TNRC6B: variants seen among roughly 807,000 people sequenced by gnomAD.
The protein encoded by TNRC6B is trinucleotide repeat-containing gene 6B protein.
In TNRC6B, 52 loss-of-function variants were observed where a neutral mutation model predicts 203.6. The ratio of observed to expected loss-of-function variants is 0.26; its 90% CI spans 0.20 to 0.32. The LOEUF is 0.32. TNRC6B is among the 10% of genes least tolerant of loss of function. TNRC6B has a pLI of 1.00. For missense variants in TNRC6B, 1,923 were observed against 2,286.2 expected (o/e 0.84, Z 3.24); for synonymous variants, 838 against 845.7 (o/e 0.99, Z 0.16).
At chr22:40,176,419 A>G (rs5995833), upstream of TNRC6B, among the ~76,000 whole-genome samples, 103,115 of 151,886 alleles carry the variant, frequency 0.68, 36,756 homozygotes, top group African/African-American at 0.9. Context: ...GAGCCACCGC[A>G]CCCGGCCTCA....
intron 11 of TNRC6B, among the ~76,000 whole-genome samples, 191 bp from the exon 12 acceptor site, chr22:40,285,454 C>T (rs1036951143): frequency 2.6e-5 from 4 of 152,170 alleles, no homozygotes; most frequent in African/African-American, 9.7e-5. Context: ...TCAAACTGTA[C>T]AGGTGCCCAT....
chr22:40,244,593 C>T (rs1046869029), intron 1 of TNRC6B, among the ~76,000 whole-genome samples: 2 of 151,962 alleles, frequency 1.3e-5, no homozygotes, highest in Admixed American at 6.6e-5. Context: ...TTGAGTCCTT[C>T]GGGAACCATC....
chr22:40,277,926 G>C (rs967424074), intron 8 of TNRC6B, 73 bp from the exon 9 acceptor site: 2 of 1,178,400 alleles, frequency 1.7e-6, no homozygotes, highest in Admixed American at 4.0e-5. Flanking sequence ...GTGGCTCTCA[G>C]GTGAATAATG....
intron 7 of TNRC6B, among the ~76,000 whole-genome samples, chr22:40,275,458 G>T (rs1044660110): frequency 6.6e-6 from 1 of 152,148 alleles, no homozygotes; most frequent in Middle Eastern, 3.4e-3. Context: ...TTTAAAAATT[G>T]TGATAAAATA....
intron 1 of TNRC6B, among the ~76,000 whole-genome samples, chr22:40,193,889 G>T (rs546173213): frequency 6.6e-6 from 1 of 152,112 alleles, no homozygotes; most frequent in Non-Finnish European, 1.5e-5. Flanking sequence ...AAAGAGAACC[G>T]GCTGCCAGCC....
At chr22:40,159,656 A>T (rs1377806652) in intron 4 of TNRC6B, among the ~76,000 whole-genome samples, 1 of 83,682 alleles carries the variant, frequency 1.2e-5, no homozygotes, top group Non-Finnish European at 2.1e-5. Context: ...TAAAAAAAAA[A>T]TTTAAAAATT....
chr22:40,216,990 C>T (rs1381439473), intron 1 of TNRC6B, among the ~76,000 whole-genome samples: 1 of 152,120 alleles, frequency 6.6e-6, no homozygotes, highest in Non-Finnish European at 1.5e-5. Flanking sequence ...ATTTGCCCTC[C>T]TAAAACTTCC....
At chr22:40,060,927 G>A (rs1270681042) in intron 1 of TNRC6B, among the ~76,000 whole-genome samples, 2 of 152,162 alleles carry the variant, frequency 1.3e-5, no homozygotes, top group Admixed American at 6.5e-5. Context: ...TGCATGAACC[G>A]CATGGTAGGT....
At chr22:40,053,318 A>G (rs2067766960) in intron 1 of TNRC6B, among the ~76,000 whole-genome samples, 2 of 152,230 alleles carry the variant, frequency 1.3e-5, no homozygotes, top group Admixed American at 1.3e-4. Context: ...TAGTTCCATA[A>G]TTATTGTAAT....
At chr22:40,148,303 G>C (rs368413382) in intron 3 of TNRC6B, among the ~76,000 whole-genome samples, 3 of 81,544 alleles carry the variant, frequency 3.7e-5, no homozygotes, top group Non-Finnish European at 7.5e-5. Flanking sequence ...TTTTTTTTTT[G>C]AGACAGAGTC....
intron 1 of TNRC6B, among the ~76,000 whole-genome samples, chr22:40,093,654 G>C (rs1232012696): frequency 6.6e-6 from 1 of 152,166 alleles, no homozygotes; most frequent in Non-Finnish European, 1.5e-5. Context: ...AAAGCATTTT[G>C]AAATAAAAAC....
chr22:40,249,533 G>A (rs1446231733), intron 2 of TNRC6B, among the ~76,000 whole-genome samples: 1 of 152,156 alleles, frequency 6.6e-6, no homozygotes, highest in Non-Finnish European at 1.5e-5. Context: ...TTTAGCGTTG[G>A]CAGAACACAT....
chr22:40,274,218 A>G (rs1454411718), intron 7 of TNRC6B, among the ~76,000 whole-genome samples: 1 of 152,096 alleles, frequency 6.6e-6, no homozygotes, highest in East Asian at 1.9e-4. Flanking sequence ...TTTGCATTCT[A>G]AAGCCAGAGA....
intron 3 of TNRC6B, among the ~76,000 whole-genome samples, chr22:40,150,159 C>T (rs1018650754): frequency 1.7e-4 from 26 of 152,060 alleles, no homozygotes; most frequent in Admixed American, 1.4e-3. Context: ...GGGCAGATCA[C>T]GAGGTCAGGA....
At chr22:40,312,437 C>CA (rs1236341069) in intron 17 of TNRC6B, 68 bp from the exon 18 acceptor site, 1 of 1,475,834 alleles carries the variant, frequency 6.8e-7, no homozygotes, top group Non-Finnish European at 9.1e-7. Flanking sequence ...TTTCTTATGT[C>CA]AAAAAAAGTA....
chr22:40,205,809 A>C (rs1243376294), intron 1 of TNRC6B, among the ~76,000 whole-genome samples: 2 of 152,228 alleles, frequency 1.3e-5, no homozygotes. Context: ...TTTCAATGCT[A>C]CTTTGATTGG....
At chr22:40,233,350 G>A (rs929664920) in intron 1 of TNRC6B, among the ~76,000 whole-genome samples, 5 of 150,142 alleles carry the variant, frequency 3.3e-5, no homozygotes, top group African/African-American at 7.4e-5. Context: ...TCAGCCGGTC[G>A]CGGTGGCTCA....
At chr22:40,071,979 G>A (rs924456351) in intron 1 of TNRC6B, among the ~76,000 whole-genome samples, 2 of 152,040 alleles carry the variant, frequency 1.3e-5, no homozygotes, top group African/African-American at 4.8e-5. Context: ...TCAGCCTTTT[G>A]GAAAGCTGAG....
Position 40,330,139 on chromosome 22 carries a change from A to G in TNRC6B, c.*6898A>G, listed in dbSNP as rs951530136. On this transcript the variant is annotated 3_prime_UTR_variant, in exon 23 of 23. Transcript: ENST00000454349. Reference sequence around the variant, plus strand: ...GCTTTGGAAATAAATTCCCAATTATAATTGACCCATATCTAGCCAATATCA... The same window carrying G: ...GCTTTGGAAATAAATTCCCAATTATGATTGACCCATATCTAGCCAATATCA... 2.6e-5 allele frequency: 4 copies of G among 152,258 alleles called. No homozygotes were observed. Among genetic ancestry groups the G allele is most frequent in the African/African-American group, 9.6e-5 (4 of 41,466 alleles). 9.4% of individuals were successfully genotyped at this position (152,258 alleles called of 1,614,324 possible).
Sources: gnomAD v4.1 joint callset for allele counts (sites outside exome capture counted in the v4.1 genomes callset) on GRCh38, gnomAD v4.1.1 for gene constraint, MANE v1.5 for transcripts, NCBI Gene and HGNC (gene_info 2026-07-23, HGNC 2026-07-21) for gene names.